The following FBXL17 variants were observed in gnomAD, a reference collection of about 807,000 sequenced individuals.
FBXL17 encodes F-box and leucine rich repeat protein 17.
A neutral mutation model predicts 66.2 loss-of-function variants in FBXL17; 22 were observed. That is an observed-to-expected ratio of 0.33 (90% CI 0.24 to 0.47). The LOEUF (loss-of-function observed/expected upper bound fraction) is 0.47. FBXL17 is among the 20% of genes least tolerant of loss of function. The pLI is 1.00. For synonymous variants in FBXL17, 474 were observed against 400.5 expected, an observed-to-expected ratio of 1.18 and a Z score of -2.19; for missense variants, 878 against 948.2, an observed-to-expected ratio of 0.93 and a Z score of 0.97.
chr5:107,871,057 C>CAAAAAA (rs201752049), intron 8 of FBXL17, among the ~76,000 whole-genome samples: 5 of 65,880 alleles, frequency 7.6e-5, no homozygotes, highest in Non-Finnish European at 1.4e-4. Flanking sequence ...TCTTGGGCGG[C>CAAAAAA]AAAAAAAAAA....
chr5:108,028,895 G>A (rs72798128), intron 6 of FBXL17, among the ~76,000 whole-genome samples: 5,299 of 152,148 alleles, frequency 0.035, 143 homozygotes, highest in Non-Finnish European at 0.051. Context: ...GTTCAAAAAT[G>A]GTTTTAGTAA....
intron 7 of FBXL17, among the ~76,000 whole-genome samples, chr5:107,896,640 A>G (rs1023526697): frequency 1.3e-5 from 2 of 152,300 alleles, no homozygotes; most frequent in South Asian, 2.1e-4. Context: ...ACAACATGCC[A>G]CTAGTGTTGC....
At chr5:108,193,530 G>C (rs1423984898) in intron 5 of FBXL17, among the ~76,000 whole-genome samples, 1 of 152,154 alleles carries the variant, frequency 6.6e-6, no homozygotes, top group African/African-American at 2.4e-5. Flanking sequence ...TCTACACTTA[G>C]AGAAGGACTT....
intron 6 of FBXL17, among the ~76,000 whole-genome samples, chr5:108,057,945 T>G (rs1561389709): frequency 1.3e-5 from 2 of 152,204 alleles, no homozygotes; most frequent in Admixed American, 1.3e-4. Context: ...TGGTTTTATC[T>G]TCATTTGACG....
intron 4 of FBXL17, among the ~76,000 whole-genome samples, chr5:108,277,649 G>A (rs537982721): frequency 2.8e-4 from 42 of 152,136 alleles, no homozygotes; most frequent in Non-Finnish European, 5.6e-4. Context: ...GAAGCAAGAA[G>A]CAGTAATTGG....
intron 7 of FBXL17, among the ~76,000 whole-genome samples, chr5:107,883,980 C>A (rs771181185): frequency 6.6e-6 from 1 of 152,054 alleles, no homozygotes; most frequent in Non-Finnish European, 1.5e-5. Context: ...ACAAGTGAGC[C>A]GCAGGTATTC....
chr5:108,316,818 T>A (rs183870206), intron 4 of FBXL17, among the ~76,000 whole-genome samples: 1 of 151,218 alleles, frequency 6.6e-6, no homozygotes, highest in Admixed American at 6.6e-5. Context: ...TTTTTAGAGA[T>A]CAGTAATCAC....
At chr5:108,257,584 C>T (rs913534004) in intron 4 of FBXL17, among the ~76,000 whole-genome samples, 1 of 151,858 alleles carries the variant, frequency 6.6e-6, no homozygotes, top group African/African-American at 2.4e-5. Context: ...TCATGTAATC[C>T]TCATTGTCAG....
intron 4 of FBXL17, among the ~76,000 whole-genome samples, chr5:108,335,415 T>C (rs1261410003): frequency 6.6e-6 from 1 of 151,954 alleles, no homozygotes; most frequent in Non-Finnish European, 1.5e-5. Flanking sequence ...TGATTATAAG[T>C]TACAAGCAAA....
intron 6 of FBXL17, among the ~76,000 whole-genome samples, chr5:108,065,708 A>G (rs1245393325): frequency 1.3e-5 from 2 of 152,180 alleles, no homozygotes; most frequent in African/African-American, 2.4e-5. Flanking sequence ...ATTAGGTCCA[A>G]CATGAAAGAA....
chr5:107,916,528 T>C (rs977923866), intron 7 of FBXL17, among the ~76,000 whole-genome samples: 2 of 152,230 alleles, frequency 1.3e-5, no homozygotes, highest in African/African-American at 4.8e-5. Flanking sequence ...GAATATACAA[T>C]TTCAGAAAAG....
intron 8 of FBXL17, chr5:107,880,484 G>A: frequency 1.0e-6 from 1 of 995,442 alleles, no homozygotes; most frequent in Non-Finnish European, 1.2e-6. Flanking sequence ...CAGGACCTCT[G>A]GAACCACTTC....
chr5:108,165,263 T>C (rs1337124889), intron 6 of FBXL17, among the ~76,000 whole-genome samples: 1 of 152,158 alleles, frequency 6.6e-6, no homozygotes, highest in East Asian at 1.9e-4. Flanking sequence ...AATTGCAAAA[T>C]ATTACAGACA....
intron 1 of FBXL17, among the ~76,000 whole-genome samples, chr5:108,370,208 T>G (rs1286185931): frequency 6.6e-6 from 1 of 152,180 alleles, no homozygotes; most frequent in Admixed American, 6.5e-5. Context: ...TTTGTTTTGT[T>G]TTTTTTCTCA....
intron 6 of FBXL17, among the ~76,000 whole-genome samples, chr5:108,115,067 G>A (rs2149957597): frequency 6.6e-6 from 1 of 152,226 alleles, no homozygotes; most frequent in African/African-American, 2.4e-5. Context: ...TGACAATTGG[G>A]CAAATTCAAG....
chr5:108,278,262 G>C (rs1057240654), intron 4 of FBXL17, among the ~76,000 whole-genome samples: 4 of 152,098 alleles, frequency 2.6e-5, no homozygotes, highest in South Asian at 2.1e-4. Context: ...ACTACTTCAG[G>C]GAAAGAACAC....
chr5:108,268,736 T>C (rs1215106156), intron 4 of FBXL17, among the ~76,000 whole-genome samples: 1 of 152,134 alleles, frequency 6.6e-6, no homozygotes, highest in Non-Finnish European at 1.5e-5. Context: ...AGGTTTTTAA[T>C]TAAGGGACTT....
At chr5:108,262,258 T>C (rs1272987130) in intron 4 of FBXL17, among the ~76,000 whole-genome samples, 3 of 151,680 alleles carry the variant, frequency 2.0e-5, no homozygotes, top group South Asian at 4.2e-4. Context: ...TTTGTATTTT[T>C]AGTAGAGGCG....
chr5:108,120,925 A>T (rs922604733), intron 6 of FBXL17, among the ~76,000 whole-genome samples: 2 of 152,168 alleles, frequency 1.3e-5, no homozygotes, highest in Non-Finnish European at 2.9e-5. Flanking sequence ...TTTTTTTTAT[A>T]AAAAAAGAAC....
Sources: gnomAD v4.1 joint callset for allele counts (sites outside exome capture counted in the v4.1 genomes callset) on GRCh38, gnomAD v4.1.1 for gene constraint, MANE v1.5 for transcripts, NCBI Gene and HGNC (gene_info 2026-07-23, HGNC 2026-07-21) for gene names.